Variants in HEATR5B observed in about 807,000 individuals in gnomAD.
The protein encoded by HEATR5B is HEAT repeat-containing protein 5B.
Under a neutral mutation model 224.1 loss-of-function variants are expected in HEATR5B, and 156 were observed. The ratio of observed to expected loss-of-function variants is 0.70; its 90% CI spans 0.61 to 0.80. The LOEUF is 0.80. Among genes scored for constraint, HEATR5B ranks in the 30% least tolerant of loss-of-function variants. The pLI is 0.00. For synonymous variants in HEATR5B, 1,027 were observed against 893.0 expected, an observed-to-expected ratio of 1.15 and a Z score of -2.68; for missense variants, 2,323 against 2,535.5, an observed-to-expected ratio of 0.92 and a Z score of 1.80.
chr2:37,007,310 A>G lies in HEATR5B; in HGVS notation c.4523-6T>C. On this transcript the variant is annotated splice_polypyrimidine_tract_variant and splice_region_variant and intron_variant, in intron 28 of 35. Coordinates refer to ENST00000233099, the MANE Select transcript of HEATR5B (RefSeq NM_019024.3). ...AGGGGTATAAAATGCTCCACCTGTAAAGCAATCAAATCAATTAAAAACATT... is the reference window on the plus strand; with the variant it reads ...AGGGGTATAAAATGCTCCACCTGTAGAGCAATCAAATCAATTAAAAACATT... The G allele has an allele frequency of 6.3e-7, 1 of 1,596,482 alleles. No individual in the cohort carries two copies. Among genetic ancestry groups the G allele is most frequent in the Non-Finnish European group, 8.5e-7 (1 of 1,174,344 alleles).
chr2:37,023,877 G>A (rs374552965), intron 24 of HEATR5B, among the ~76,000 whole-genome samples: 1 of 152,218 alleles, frequency 6.6e-6, no homozygotes, highest in African/African-American at 2.4e-5. Flanking sequence ...GAAGCCCACA[G>A]TGCTTCCTCA....
intron 20 of HEATR5B, 120 bp from the exon 21 acceptor site, chr2:37,038,144 T>C (rs971675810): frequency 4.2e-6 from 3 of 722,204 alleles, no homozygotes; most frequent in East Asian, 6.9e-5. Context: ...CAGGTTTTTT[T>C]TGCTGTTGTT....
At position 37,054,743 on chromosome 2, in the gene HEATR5B, G is replaced by A. The variant is rs147885473; in HGVS notation, c.2400-1136C>T. On this transcript the variant is annotated intron_variant, in intron 16 of 35. Coordinates refer to ENST00000233099, the MANE Select transcript of HEATR5B (RefSeq NM_019024.3). ...GGTGATCTGCCCACCTTTGCCTCCC[G>A]AAGTGCTGGGATAACAGGTGTGAGC... 6.5e-3 allele frequency among the ~76,000 whole-genome samples: 995 copies of A among 151,918 alleles called. 7 individuals carry two copies. The highest frequency in any genetic ancestry group is 0.016 in the African/African-American group (658 of 41,400).
At chr2:37,031,492 A>T (rs1160033856) in intron 22 of HEATR5B, among the ~76,000 whole-genome samples, 1 of 144,602 alleles carries the variant, frequency 6.9e-6, no homozygotes, top group Non-Finnish European at 1.5e-5. Flanking sequence ...GTTGGACTTG[A>T]ACTCCTGGGC....
chr2:37,012,876 T>TG (rs1198750873), intron 27 of HEATR5B, among the ~76,000 whole-genome samples: 1 of 152,240 alleles, frequency 6.6e-6, no homozygotes, highest in African/African-American at 2.4e-5. Flanking sequence ...TCCAGCCTAT[T>TG]GTAACTGCCT....
chr2:37,068,138 T>C (rs1437224270), intron 8 of HEATR5B, among the ~76,000 whole-genome samples: 2 of 152,202 alleles, frequency 1.3e-5, no homozygotes, highest in Admixed American at 6.5e-5. Context: ...CCTGAATTAC[T>C]GCTCTGCAAA....
Position 37,068,940 on chromosome 2 carries a change from G to A in HEATR5B, c.928-10C>T. The A allele has an allele frequency of 6.2e-7, 1 of 1,607,028 alleles. No homozygotes were observed. Among genetic ancestry groups the A allele is most frequent in the Non-Finnish European group, 8.5e-7 (1 of 1,174,554 alleles). ...CAAAAACAACATACGCCTGTAAAAA[G>A]AGGAAGGTACGACTTCAGATACACT... On this transcript the variant is annotated splice_polypyrimidine_tract_variant and intron_variant, in intron 7 of 35. Coordinates refer to ENST00000233099, the MANE Select transcript of HEATR5B (RefSeq NM_019024.3).
At chr2:37,078,887 T>C (rs1175327063) in intron 3 of HEATR5B, among the ~76,000 whole-genome samples, 1 of 152,208 alleles carries the variant, frequency 6.6e-6, no homozygotes, top group Non-Finnish European at 1.5e-5. Flanking sequence ...AACTAGAATT[T>C]CCAACTACCT....
At chr2:37,069,119 G>A (rs940729646) in intron 7 of HEATR5B, among the ~76,000 whole-genome samples, 189 bp from the exon 8 acceptor site, 1 of 152,084 alleles carries the variant, frequency 6.6e-6, no homozygotes, top group Non-Finnish European at 1.5e-5. Flanking sequence ...AAGTATCTTT[G>A]ACCAAAAAAC....
intron 35 of HEATR5B, among the ~76,000 whole-genome samples, chr2:36,984,215 A>AATATATATATATATATATATATATATAT (rs60636196): frequency 1.3e-5 from 1 of 77,562 alleles, no homozygotes; most frequent in African/African-American, 5.9e-5. Flanking sequence ...AAAAAAAAAA[A>AATATATATATATATATATATATATATAT]ATATATATAT....
At chr2:37,011,091 G>A (rs1177665593) in intron 27 of HEATR5B, among the ~76,000 whole-genome samples, 1 of 152,220 alleles carries the variant, frequency 6.6e-6, no homozygotes, top group Admixed American at 6.5e-5. Context: ...TCTACCCAGT[G>A]CACAGACAGT....
At chr2:37,079,097 C>A (rs770349068) in intron 3 of HEATR5B, 23 bp downstream of exon 3, 1 of 1,408,600 alleles carries the variant, frequency 7.1e-7, no homozygotes, top group African/African-American at 1.4e-5. Flanking sequence ...ACTTCAAGGG[C>A]CCCTATTAAA....
chr2:37,000,548 AT>A, intron 33 of HEATR5B, 37 bp downstream of exon 33: 1 of 1,517,216 alleles, frequency 6.6e-7, no homozygotes, highest in Non-Finnish European at 9.2e-7. Context: ...GGGAACACAT[AT>A]CCTAACTAAC....
intron 16 of HEATR5B, among the ~76,000 whole-genome samples, chr2:37,055,927 T>C (rs1670879264): frequency 6.6e-6 from 1 of 152,238 alleles, no homozygotes; most frequent in Admixed American, 6.5e-5. Context: ...CAAACCAAAA[T>C]GCTTCTATTA....
At chr2:37,079,860 A>G (rs1007640725) in intron 2 of HEATR5B, among the ~76,000 whole-genome samples, 1 of 152,228 alleles carries the variant, frequency 6.6e-6, no homozygotes, top group African/African-American at 2.4e-5. Flanking sequence ...CGTATGCCAC[A>G]TACTAGGGTG....
intron 18 of HEATR5B, among the ~76,000 whole-genome samples, chr2:37,046,526 C>G (rs779013779): frequency 6.6e-6 from 1 of 151,486 alleles, no homozygotes; most frequent in African/African-American, 2.4e-5. Flanking sequence ...GTAATCCCAG[C>G]TACTTGGGAG....
chr2:37,058,933 C>T lies in HEATR5B; in HGVS notation c.1904G>A (p.Arg635Gln), dbSNP rs369435930. 2.5e-6 allele frequency: 4 copies of T among 1,611,080 alleles called. No individual in the cohort carries two copies. The highest frequency in any genetic ancestry group is 1.6e-4 in the Middle Eastern group (1 of 6,070). ...CPELLTEDVI[R>Q]KLMTPIECAM... is the part of the protein sequence containing the mutation. ...ACATTCAATAGGGGTCATCAATTTT[C>T]GAATCACATCTTCAGTTAGTAGCTC... is the stretch of plus-strand genomic sequence containing the variant. The change falls in exon 13 of 36, where the codon CGA becomes CAA. Residue 635 changes from arginine to glutamine, a missense_variant. Around this residue, in one of 12 missense-constraint regions of HEATR5B, gnomAD observed 502 missense variants for 517.8 expected, o/e 0.97. Coordinates refer to ENST00000233099, the MANE Select transcript of HEATR5B (RefSeq NM_019024.3).
chr2:37,002,633 A>C (rs532590426), intron 31 of HEATR5B, 61 bp from the exon 32 acceptor site: 1 of 1,522,522 alleles, frequency 6.6e-7, no homozygotes, highest in East Asian at 2.3e-5. Context: ...AAACAACACA[A>C]GTATATTTAG....
chr2:37,057,981 T>G (rs1671019906), intron 14 of HEATR5B, among the ~76,000 whole-genome samples: 1 of 152,208 alleles, frequency 6.6e-6, no homozygotes, highest in African/African-American at 2.4e-5. Context: ...AAGAAATCAA[T>G]AGTTTATTTT....
Sources: gnomAD v4.1 joint callset for allele counts (sites outside exome capture counted in the v4.1 genomes callset) on GRCh38, gnomAD v4.1.1 for gene constraint, gnomAD v4.1.1 regional missense constraint, MANE v1.5 for transcripts, NCBI Gene and HGNC (gene_info 2026-07-23, HGNC 2026-07-21) for gene names.